The following CLDN10 variants were observed in gnomAD, a reference collection of about 807,000 sequenced individuals.
The protein encoded by CLDN10 is claudin-10.
A neutral mutation model predicts 22.9 loss-of-function variants in CLDN10; 15 were observed. The observed-to-expected ratio is 0.65, with a 90% CI of 0.44 to 1.01. The LOEUF (loss-of-function observed/expected upper bound fraction) is 1.01, where lower values mean the gene tolerates loss of function less well. CLDN10 is among the 50% of genes least tolerant of loss of function. The pLI is 0.00. For synonymous variants in CLDN10, 114 were observed against 111.4 expected (o/e 1.02, Z -0.15); for missense variants, 247 against 287.8 (o/e 0.86, Z 1.03).
chr13:95,539,199 A>C (rs1414043051), intron 1 of CLDN10, among the ~76,000 whole-genome samples: 2 of 152,144 alleles, frequency 1.3e-5, no homozygotes, highest in African/African-American at 4.8e-5. Flanking sequence ...ACATTTCTAA[A>C]ACATTTTATT....
chr13:95,504,708 T>C (rs2043020592), intron 1 of CLDN10, among the ~76,000 whole-genome samples: 1 of 152,114 alleles, frequency 6.6e-6, no homozygotes, highest in Admixed American at 6.6e-5. Flanking sequence ...ATATTTTTAT[T>C]TTTCCTTTTT....
intron 1 of CLDN10, among the ~76,000 whole-genome samples, chr13:95,463,901 C>A (rs570429935): frequency 6.6e-6 from 1 of 152,158 alleles, no homozygotes; most frequent in African/African-American, 2.4e-5. Flanking sequence ...AAATACACAG[C>A]TGCTGAAATT....
At chr13:95,473,809 A>C (rs933239634) in intron 1 of CLDN10, among the ~76,000 whole-genome samples, 1 of 152,168 alleles carries the variant, frequency 6.6e-6, no homozygotes, top group Non-Finnish European at 1.5e-5. Flanking sequence ...TTTCACAGAA[A>C]ACCTTCAAAG....
chr13:95,519,011 T>C (rs72651907), intron 1 of CLDN10, among the ~76,000 whole-genome samples: 32 of 152,266 alleles, frequency 2.1e-4, no homozygotes, highest in Non-Finnish European at 1.3e-4. Flanking sequence ...CAGGTATCGG[T>C]AGAGCCATGT....
intron 1 of CLDN10, among the ~76,000 whole-genome samples, chr13:95,529,754 G>C (rs990993776): frequency 6.6e-6 from 1 of 152,084 alleles, no homozygotes; most frequent in Non-Finnish European, 1.5e-5. Context: ...AAATAAGTAG[G>C]TTACAGTTAA....
intron 1 of CLDN10, among the ~76,000 whole-genome samples, chr13:95,494,504 C>T (rs1307786556): frequency 6.6e-6 from 1 of 151,964 alleles, no homozygotes; most frequent in African/African-American, 2.4e-5. Context: ...ACATGGAAAA[C>T]GTATTTCTTG....
At chr13:95,543,391 C>A (rs1291090887) in intron 1 of CLDN10, among the ~76,000 whole-genome samples, 1 of 152,098 alleles carries the variant, frequency 6.6e-6, no homozygotes, top group Non-Finnish European at 1.5e-5. Context: ...TTGATTTTCC[C>A]TAAGCCAGTG....
chr13:95,468,725 C>CAA (rs113144254), intron 1 of CLDN10, among the ~76,000 whole-genome samples: 1 of 137,768 alleles, frequency 7.3e-6, no homozygotes, highest in Non-Finnish European at 1.6e-5. Flanking sequence ...GACCCTGTCT[C>CAA]AAAAAAAAAA....
At chr13:95,463,285 AATATATATAT>A (rs200962205) in intron 1 of CLDN10, among the ~76,000 whole-genome samples, 938 of 40,076 alleles carry the variant, frequency 0.023, 42 homozygotes, top group African/African-American at 0.061. Context: ...GCAAATGCTT[AATATATATAT>A]ATATATATAT....
chr13:95,495,302 G>T (rs1363505426), intron 1 of CLDN10, among the ~76,000 whole-genome samples: 1 of 151,930 alleles, frequency 6.6e-6, no homozygotes, highest in Non-Finnish European at 1.5e-5. Context: ...TTCCCAAAGT[G>T]CTGGGATTAC....
intron 1 of CLDN10, among the ~76,000 whole-genome samples, chr13:95,488,830 G>T (rs1229434669): frequency 6.6e-6 from 1 of 152,074 alleles, no homozygotes; most frequent in African/African-American, 2.4e-5. Flanking sequence ...TGTAAATTGT[G>T]CTGCTGTAAA....
Position 95,517,213 on chromosome 13 carries a change from C to T in CLDN10, c.215-42919C>T, listed in dbSNP as rs116713083. ...TTTTTCTCTTTCCTAACTTCCTTCC[C>T]TCTCTCCTTTCTTCTTTCTTCCTGA... On this transcript the variant is annotated intron_variant, in intron 1 of 4. Coordinates refer to the CLDN10 transcript ENST00000376873. Among the ~76,000 whole-genome samples the T allele has an allele frequency of 7.9e-3, 1,206 of 151,732 alleles. 21 individuals are homozygous for T. The highest frequency in any genetic ancestry group is 0.028 in the African/African-American group (1,146 of 41,324).
intron 3 of CLDN10, among the ~76,000 whole-genome samples, chr13:95,571,865 T>C (rs1328150216): frequency 4.6e-5 from 7 of 152,114 alleles, no homozygotes. Context: ...TATTTTAAGG[T>C]AATTGGAAAA....
chr13:95,527,774 T>A (rs71433088), intron 1 of CLDN10, among the ~76,000 whole-genome samples: 15,072 of 152,000 alleles, frequency 0.099, 904 homozygotes, highest in Middle Eastern at 0.13. Flanking sequence ...TAAACAAAAT[T>A]AAAAAACTCT....
intron 1 of CLDN10, among the ~76,000 whole-genome samples, chr13:95,437,061 T>G (rs932060809): frequency 2.6e-5 from 4 of 152,220 alleles, no homozygotes; most frequent in Admixed American, 6.5e-5. Context: ...TGTATTTTTT[T>G]TTTCTTGCTG....
At chr13:95,443,396 C>T (rs2042342755) in intron 1 of CLDN10, among the ~76,000 whole-genome samples, 1 of 152,098 alleles carries the variant, frequency 6.6e-6, no homozygotes, top group Admixed American at 6.6e-5. Context: ...TTAAAATGAA[C>T]TGGGGATTTG....
At chr13:95,563,860 G>T (rs2043750192) in intron 3 of CLDN10, among the ~76,000 whole-genome samples, 1 of 152,204 alleles carries the variant, frequency 6.6e-6, no homozygotes, top group Non-Finnish European at 1.5e-5. Flanking sequence ...TAGTAGAGGG[G>T]ATAAAAACTG....
chr13:95,480,002 A>AAGG (rs1021976021), intron 1 of CLDN10: 1 of 152,348 alleles, frequency 6.6e-6, no homozygotes, highest in Non-Finnish European at 1.5e-5. Flanking sequence ...TTTATAAAGG[A>AAGG]AGGAGGTTTA....
intron 1 of CLDN10, among the ~76,000 whole-genome samples, chr13:95,498,802 C>T (rs931675878): frequency 3.3e-5 from 5 of 152,218 alleles, no homozygotes; most frequent in African/African-American, 4.8e-5. Context: ...GTGTTAACTA[C>T]GTTCACATTG....
Sources: allele counts gnomAD v4.1 joint callset (sites outside exome capture counted in the v4.1 genomes callset), GRCh38; gene constraint gnomAD v4.1.1; transcripts MANE v1.5; gene names NCBI Gene and HGNC (gene_info 2026-07-23, HGNC 2026-07-21).